The following FCRL4 variants were observed in gnomAD, a reference collection of about 807,000 sequenced individuals.
FCRL4 encodes Fc receptor-like protein 4.
In FCRL4, 43 loss-of-function variants were observed where a neutral mutation model predicts 64.1. The ratio of observed to expected loss-of-function variants is 0.67; its 90% CI spans 0.53 to 0.87. The LOEUF is 0.87. Among genes scored for constraint, FCRL4 ranks in the 40% least tolerant of loss-of-function variants. The probability of loss-of-function intolerance (pLI) is 0.00; values close to 1 mark genes in which losing one functional copy is unlikely to be tolerated. For missense variants in FCRL4, 656 were observed against 613.5 expected, an observed-to-expected ratio of 1.07 and a Z score of -0.73; for synonymous variants, 253 against 239.8, an observed-to-expected ratio of 1.05 and a Z score of -0.51.
At chr1:157,597,324 A>G (rs1442192677) in intron 1 of FCRL4, among the ~76,000 whole-genome samples, 3 of 152,224 alleles carry the variant, frequency 2.0e-5, no homozygotes, top group Non-Finnish European at 4.4e-5. Flanking sequence ...TTAATGAACA[A>G]AAGACTGACT....
At chr1:157,584,147 G>A (rs532544930) in intron 6 of FCRL4, among the ~76,000 whole-genome samples, 12 of 152,256 alleles carry the variant, frequency 7.9e-5, no homozygotes, top group Non-Finnish European at 1.2e-4. Flanking sequence ...AACTTCCTGA[G>A]GTAAACTTTT....
rs1229684556 is a variant in FCRL4, at chr1:157,590,760, AC to A, written c.53-1303del. ...TCTCTATCTCCTGACCTCGTGATCC[AC>A]CTGCTTCAGCCTCCCAAAGTGCTGG... On this transcript the variant is annotated intron_variant, in intron 2 of 11. Coordinates refer to ENST00000271532, the MANE Select transcript of FCRL4 (RefSeq NM_031282.3). Among the ~76,000 whole-genome samples the A allele has an allele frequency of 2.0e-5, 3 of 151,882 alleles. No individual in the cohort carries two copies. The East Asian group carries it at 5.8e-4, about 29-fold the overall frequency.
intron 7 of FCRL4, 108 bp from the exon 8 acceptor site, chr1:157,580,456 A>G: frequency 8.8e-7 from 1 of 1,131,822 alleles, no homozygotes; most frequent in African/African-American, 1.5e-5. Flanking sequence ...GTCAATTCAA[A>G]CACCTGCCCA....
chr1:157,577,749 A>C lies in FCRL4; in HGVS notation c.1429+725T>G, dbSNP rs117093057. Among the ~76,000 whole-genome samples, 5 of 152,332 alleles carry C rather than the reference A, an allele frequency of 3.3e-5. No homozygotes were observed. The East Asian group carries it at 9.6e-4, about 29-fold the overall frequency. On this transcript the variant is annotated intron_variant, in intron 10 of 11. Transcript: ENST00000271532. ...TCCTCAGGTCTTAGGCTGAATACTG[A>C]TAGGCATATTTGTAAGATGAAAGTA...
At chr1:157,579,727 CATA>C (rs1467641208) in intron 8 of FCRL4, among the ~76,000 whole-genome samples, 1 of 151,592 alleles carries the variant, frequency 6.6e-6, no homozygotes, top group African/African-American at 2.4e-5. Flanking sequence ...TACATACATA[CATA>C]CATACATACA....
At chr1:157,581,919 C>G (rs1652570450) in intron 6 of FCRL4, among the ~76,000 whole-genome samples, 1 of 152,192 alleles carries the variant, frequency 6.6e-6, no homozygotes, top group South Asian at 2.1e-4. Flanking sequence ...TTCTGGTAAG[C>G]TGGCTTCCTG....
At chr1:157,591,064 A>G (rs879489271) in intron 2 of FCRL4, among the ~76,000 whole-genome samples, 1 of 152,184 alleles carries the variant, frequency 6.6e-6, no homozygotes, top group South Asian at 2.1e-4. Context: ...GAGAGGGGGA[A>G]TGTAGGTAAC....
intron 2 of FCRL4, among the ~76,000 whole-genome samples, chr1:157,592,914 T>G (rs976319122): frequency 2.6e-5 from 4 of 152,110 alleles, no homozygotes; most frequent in African/African-American, 9.7e-5. Context: ...CCATAAAAAA[T>G]GATGAGTTCA....
intron 2 of FCRL4, among the ~76,000 whole-genome samples, chr1:157,596,010 G>A (rs996198037): frequency 2.0e-5 from 3 of 152,194 alleles, no homozygotes; most frequent in Non-Finnish European, 4.4e-5. Context: ...TTCCTCTTGG[G>A]ATGCTATGCA....
chr1:157,579,413 TAA>T (rs1439335373), intron 8 of FCRL4, among the ~76,000 whole-genome samples: 1 of 151,600 alleles, frequency 6.6e-6, no homozygotes. Context: ...AAGTAGTGAT[TAA>T]ATGTCTTTAC....
Position 157,580,266 on chromosome 1 carries a change from T to C in FCRL4, c.1277+55A>G. The C allele has an allele frequency of 1.9e-6, 3 of 1,594,198 alleles. No homozygotes were observed. The South Asian group carries it at 3.3e-5, about 18-fold the overall frequency. On this transcript the variant is annotated intron_variant, in intron 8 of 11. Transcript: ENST00000271532. ...GACCTAATTTCATAACCCCACAGTT[T>C]TGCATATTGTGTACTCGGGAAACTA...
At chr1:157,589,605 T>A in intron 2 of FCRL4, 147 bp from the exon 3 acceptor site, 4 of 962,864 alleles carry the variant, frequency 4.2e-6, no homozygotes, top group Non-Finnish European at 6.1e-6. Flanking sequence ...GCAGGTGAGC[T>A]GTGCTCACCT....
chr1:157,578,468 A>G lies in FCRL4; in HGVS notation c.1429+6T>C. On this transcript the variant is annotated splice_donor_region_variant and intron_variant, in intron 10 of 11. Transcript: ENST00000271532. Reference sequence around the variant, plus strand: ...TTGCAGCCAGAATCTCTTCCCAAAGACGTACCTTCCTCTTCTTCTCCCAGC... The same window carrying G: ...TTGCAGCCAGAATCTCTTCCCAAAGGCGTACCTTCCTCTTCTTCTCCCAGC... 6.2e-7 allele frequency: 1 copy of G among 1,610,442 alleles called. No individual in the cohort carries two copies. Among genetic ancestry groups the G allele is most frequent in the East Asian group, 2.2e-5 (1 of 44,872 alleles).
At chr1:157,590,303 A>C (rs1207975327) in intron 2 of FCRL4, among the ~76,000 whole-genome samples, 2 of 152,150 alleles carry the variant, frequency 1.3e-5, no homozygotes, top group African/African-American at 4.8e-5. Context: ...GCATAAACCA[A>C]AAATCTGAAA....
chr1:157,585,386 CTTTCTTTCCTTCTTTCT>C (rs1652663374), intron 6 of FCRL4, among the ~76,000 whole-genome samples: 2 of 97,164 alleles, frequency 2.1e-5, no homozygotes, highest in East Asian at 2.5e-4. Flanking sequence ...TTCTTTCTTT[CTTTCTTTCCTTCTTTCT>C]TTCTTTCTTT....
At chr1:157,585,344 C>CTTTCTTTCCTTCTTTCTTTCTTTCTT (rs72007539) in intron 6 of FCRL4, among the ~76,000 whole-genome samples, 8 of 81,316 alleles carry the variant, frequency 9.8e-5, no homozygotes, top group African/African-American at 2.2e-4. Context: ...CTTTCTCTCT[C>CTTTCTTTCCTTCTTTCTTTCTTTCTT]TCTTTCTTTC....
At chr1:157,590,814 G>A (rs986027493) in intron 2 of FCRL4, among the ~76,000 whole-genome samples, 3 of 152,084 alleles carry the variant, frequency 2.0e-5, no homozygotes, top group African/African-American at 2.4e-5. Flanking sequence ...ACCATGCCCC[G>A]TCTAATCTAT....
chr1:157,587,552 G>T lies in FCRL4; in HGVS notation c.571C>A (p.Pro191Thr). ...TCTGTAGCTTTCAGCTCTGGATGTG[G>T]AAATAGTTCTAGAGAGAAGAGGTAA... ...FKIIKIQELF[P>T]HPELKATDSQ... The change falls in exon 5 of 12, where the codon CCA becomes ACA. Residue 191 changes from proline to threonine, a missense_variant. Pro to Thr is a conservative substitution (Grantham distance 38, BLOSUM62 -1). Coordinates refer to ENST00000271532, the MANE Select transcript of FCRL4 (RefSeq NM_031282.3). 6.2e-7 allele frequency: 1 copy of T among 1,613,624 alleles called. No individual in the cohort carries two copies.
chr1:157,587,295 C>T lies in FCRL4; in HGVS notation c.828G>A (p.Ser276=), dbSNP rs371360551. 11 of 1,614,010 alleles carry T rather than the reference C, an allele frequency of 6.8e-6. No individual in the cohort carries two copies. The highest frequency in any genetic ancestry group is 1.7e-4 in the Middle Eastern group (1 of 6,042). ...ACTCACGCTGCACATGGATCTGTAG[C>T]GAGGGACTGTGCTTGTGGATGTTAC... ...VRGNIHKHSP[S]LQIHVQRIPV... is the part of the protein sequence containing the mutation. The change falls in exon 5 of 12, where the codon TCG becomes TCA. Residue 276 remains serine (S), a synonymous_variant. Transcript: ENST00000271532.
Sources: gnomAD v4.1 joint callset for allele counts (sites outside exome capture counted in the v4.1 genomes callset) on GRCh38, gnomAD v4.1.1 for gene constraint, MANE v1.5 for transcripts, NCBI Gene and HGNC (gene_info 2026-07-23, HGNC 2026-07-21) for gene names.